The following NF1 variants were observed in gnomAD, a reference collection of about 807,000 sequenced individuals.
NF1 encodes the protein neurofibromin 1.
In NF1, 122 loss-of-function variants were observed where a neutral mutation model predicts 325.7. The observed-to-expected ratio is 0.37, with a 90% CI of 0.32 to 0.44. The LOEUF (loss-of-function observed/expected upper bound fraction) is 0.44. Ranked by LOEUF, NF1 falls within the 20% of genes least tolerant of loss-of-function variation. The probability of loss-of-function intolerance (pLI) is 1.00; values close to 1 mark genes in which losing one functional copy is unlikely to be tolerated. For missense variants in NF1, 2,140 were observed against 3,415.4 expected (o/e 0.63, Z 9.31); for synonymous variants, 1,091 against 1,186.0 (o/e 0.92, Z 1.65).
At chr17:31,319,934 A>T (rs1358946079) in intron 36 of NF1, among the ~76,000 whole-genome samples, 2 of 152,112 alleles carry the variant, frequency 1.3e-5, no homozygotes, top group Non-Finnish European at 2.9e-5. Context: ...ATTTGGGATG[A>T]AGTGGCAGGT....
chr17:31,139,958 A>C (rs1916097308), intron 1 of NF1, among the ~76,000 whole-genome samples: 1 of 152,222 alleles, frequency 6.6e-6, no homozygotes. Context: ...AACAGTTAGA[A>C]GCATACTGCC....
intron 36 of NF1, among the ~76,000 whole-genome samples, chr17:31,317,126 A>T (rs1597816677): frequency 6.6e-6 from 1 of 152,182 alleles, no homozygotes; most frequent in East Asian, 1.9e-4. Flanking sequence ...AAATATTTTT[A>T]AAATGGTTAC....
chr17:31,326,363 G>C, intron 37 of NF1, 111 bp downstream of exon 37: 2 of 1,111,824 alleles, frequency 1.8e-6, no homozygotes, highest in Non-Finnish European at 2.6e-6. Context: ...AAAATGTCAC[G>C]TAAGGCTGTC....
chr17:31,200,556 C>T lies in NF1; in HGVS notation c.1023C>T (p.Val341=), dbSNP rs776720136. ...STYINWEDNS[V]IFLLVQSMVV... ...ACATCAATTGGGAAGATAACTCTGT[C>T]ATTTTCCTACTTGTTCAGTCCATGG... Residue 341 remains valine, a synonymous_variant, in exon 9 of 58, where the codon GTC becomes GTT. Transcript: ENST00000358273. 2 of 1,614,092 alleles carry T rather than the reference C, an allele frequency of 1.2e-6. No homozygotes were observed. Among genetic ancestry groups the T allele is most frequent in the Non-Finnish European group, 1.7e-6 (2 of 1,179,982 alleles).
At chr17:31,326,989 TGATCTCAGAGTGCAGTGGC>T (rs1567612088) in intron 37 of NF1, among the ~76,000 whole-genome samples, 5 of 41,378 alleles carry the variant, frequency 1.2e-4, no homozygotes, top group Admixed American at 4.2e-4. Context: ...TGCAGTGGCG[TGATCTCAGAGTGCAGTGGC>T]GTGATCTCAG....
At chr17:31,152,367 C>A (rs2143600814) in intron 1 of NF1, among the ~76,000 whole-genome samples, 1 of 151,462 alleles carries the variant, frequency 6.6e-6, no homozygotes, top group South Asian at 2.1e-4. Context: ...GCAAAGTTTT[C>A]TTGAATTCTA....
intron 31 of NF1, chr17:31,253,222 G>T (rs1300533612): frequency 3.9e-6 from 2 of 509,068 alleles, no homozygotes; most frequent in African/African-American, 3.8e-5. Flanking sequence ...AAGGCAATTT[G>T]TGGGCATTTG....
chr17:31,229,688 G>A (rs2151430138), intron 21 of NF1, 147 bp from the exon 22 acceptor site: 1 of 1,085,362 alleles, frequency 9.2e-7, no homozygotes, highest in Non-Finnish European at 1.4e-6. Flanking sequence ...ATGGGTACGA[G>A]TGTCTGCGTA....
In NF1 at chr17:31,326,334, T is replaced by C. The variant is rs1197634879; in HGVS notation, c.5268+82T>C. 9 of 1,357,970 alleles carry C rather than the reference T, an allele frequency of 6.6e-6. No homozygotes were observed. In the Admixed American group the frequency reaches 6.8e-5, roughly 10 times the overall value. The allele number at this position is 1,357,970 out of a possible 1,614,324, so 84.1% of individuals were successfully genotyped here. ...TATATCCTGGCCTCCCTAGGTGTCC[T>C]ACCCCTATAGTGGTGTATAAAATGT... On this transcript the variant is annotated intron_variant, in intron 37 of 57. Transcript: ENST00000358273.
chr17:31,157,821 C>A (rs1422436233), intron 2 of NF1, among the ~76,000 whole-genome samples: 1 of 142,874 alleles, frequency 7.0e-6, no homozygotes, highest in Non-Finnish European at 1.5e-5. Flanking sequence ...AAAAACTTAG[C>A]GGGGTGTGGC....
intron 1 of NF1, among the ~76,000 whole-genome samples, chr17:31,144,533 C>T (rs115763347): frequency 2.0e-3 from 312 of 152,270 alleles, no homozygotes; most frequent in African/African-American, 6.7e-3. Context: ...TCTTCTGTTC[C>T]ATATTGTGTT....
intron 36 of NF1, among the ~76,000 whole-genome samples, chr17:31,297,714 TA>T (rs1308731784): frequency 5.9e-5 from 9 of 152,202 alleles, no homozygotes; most frequent in Admixed American, 2.0e-4. Context: ...TTTAATATTA[TA>T]AAAAATCTGT....
rs1383393510 is a variant in NF1 at position 31,227,690 on chromosome 17, C to T, written c.2409+84C>T. 3 of 1,229,556 alleles carry T rather than the reference C, an allele frequency of 2.4e-6. No individual in the cohort carries two copies. In the African/African-American group the frequency reaches 4.5e-5, roughly 18 times the overall value. The allele number at this position is 1,229,556 out of a possible 1,614,324, so 76.2% of individuals were successfully genotyped here. A position where few individuals can be genotyped will look rare whatever the true frequency, so the allele number is the denominator to read the frequency against. ...CTTTGATAATCTTTCAAGAGTCGCT[C>T]AGTAAAGTAAACATATAGCTGTGTG... On this transcript the variant is annotated intron_variant, in intron 20 of 57. Coordinates refer to ENST00000358273, the MANE Select transcript of NF1 (RefSeq NM_001042492.3).
chr17:31,174,632 A>G lies in NF1; in HGVS notation c.586+4635A>G, dbSNP rs903681911. Among the ~76,000 whole-genome samples, 127 of 152,256 alleles carry G rather than the reference A, an allele frequency of 8.3e-4. 12 individuals are homozygous for G. The highest frequency in any genetic ancestry group is 1.3e-4 in the Non-Finnish European group (9 of 68,048). On this transcript the variant is annotated intron_variant, in intron 5 of 57. Transcript: ENST00000358273. ...TAAATATTATGAGGGGCATCAAAGCATACTGAAAAGACCTTGGTTTTAAAG... is the reference window on the plus strand; with the variant it reads ...TAAATATTATGAGGGGCATCAAAGCGTACTGAAAAGACCTTGGTTTTAAAG...
At chr17:31,344,163 T>C (rs1161862513) in intron 48 of NF1, among the ~76,000 whole-genome samples, 3 of 152,230 alleles carry the variant, frequency 2.0e-5, no homozygotes, top group Non-Finnish European at 4.4e-5. Context: ...TTATAGTTTA[T>C]TGTTGATTAA....
chr17:31,099,878 G>T (rs1416498064), intron 1 of NF1, among the ~76,000 whole-genome samples: 6 of 151,806 alleles, frequency 4.0e-5, no homozygotes, highest in African/African-American at 1.5e-4. Flanking sequence ...GCTTTTAATT[G>T]TGGTTCATTA....
chr17:31,102,034 AGTG>A (rs2143217599), intron 1 of NF1, among the ~76,000 whole-genome samples: 1 of 152,336 alleles, frequency 6.6e-6, no homozygotes, highest in South Asian at 2.1e-4. Context: ...AAATAAAAAA[AGTG>A]GTACTTTTGG....
At chr17:31,350,915 T>C (rs975739526) in intron 50 of NF1, among the ~76,000 whole-genome samples, 4 of 152,228 alleles carry the variant, frequency 2.6e-5, no homozygotes, top group Admixed American at 1.3e-4. Context: ...TTAGGGACAG[T>C]GTTGAACACA....
chr17:31,203,286 C>G (rs934013233), intron 11 of NF1, among the ~76,000 whole-genome samples: 1 of 151,962 alleles, frequency 6.6e-6, no homozygotes, highest in Non-Finnish European at 1.5e-5. Flanking sequence ...TATCAGAGAT[C>G]AAGTTATATG....
Sources: allele counts gnomAD v4.1 joint callset (sites outside exome capture counted in the v4.1 genomes callset), GRCh38; gene constraint gnomAD v4.1.1; transcripts MANE v1.5; gene names NCBI Gene and HGNC (gene_info 2026-07-23, HGNC 2026-07-21).